The following KLHL2 variants were observed in gnomAD, a reference collection of about 807,000 sequenced individuals.
The protein encoded by KLHL2 is kelch like family member 2, also known as kelch-like protein 2.
KLHL2 carries 15 observed loss-of-function variants against 75.8 expected under a neutral mutation model. The ratio of observed to expected loss-of-function variants is 0.20; its 90% CI spans 0.13 to 0.30. KLHL2 has a LOEUF of 0.30. KLHL2 is among the 10% of genes least tolerant of loss of function. KLHL2 has a pLI of 1.00. For synonymous variants in KLHL2, 214 were observed against 251.9 expected (o/e 0.85, Z 1.42); for missense variants, 381 against 741.0 (o/e 0.51, Z 5.64).
chr4:165,316,697 TTTGTTCA>T (rs1746611540), intron 13 of KLHL2, among the ~76,000 whole-genome samples: 1 of 152,224 alleles, frequency 6.6e-6, no homozygotes, highest in Non-Finnish European at 1.5e-5. Context: ...TCAGGGGATC[TTTGTTCA>T]TTGCAACATC....
intron 14 of KLHL2, among the ~76,000 whole-genome samples, 179 bp downstream of exon 14, chr4:165,318,148 T>C (rs879554018): frequency 3.3e-5 from 5 of 152,250 alleles, no homozygotes; most frequent in Admixed American, 3.3e-4. Flanking sequence ...CAGTATACTT[T>C]TGTCATTCTA....
intron 4 of KLHL2, among the ~76,000 whole-genome samples, chr4:165,248,305 T>A (rs1447703339): frequency 6.6e-6 from 1 of 152,206 alleles, no homozygotes; most frequent in Non-Finnish European, 1.5e-5. Context: ...TAAAAAGTTC[T>A]CTCTCTTGTG....
intron 9 of KLHL2, among the ~76,000 whole-genome samples, chr4:165,307,333 A>G (rs1028514714): frequency 4.5e-4 from 69 of 152,204 alleles, no homozygotes; most frequent in Admixed American, 9.8e-4. Flanking sequence ...AAACAAAAAA[A>G]CAAAAAAACT....
intron 5 of KLHL2, among the ~76,000 whole-genome samples, chr4:165,275,009 C>T (rs770388254): frequency 7.9e-5 from 12 of 152,228 alleles, no homozygotes; most frequent in Non-Finnish European, 1.6e-4. Flanking sequence ...AGTGACAGCT[C>T]AGTGTGACCA....
Position 165,322,494 on chromosome 4 carries a change from C to T in KLHL2, c.*434C>T, listed in dbSNP as rs1415898842. On this transcript the variant is annotated 3_prime_UTR_variant, in exon 15 of 15. Coordinates refer to ENST00000226725, the MANE Select transcript of KLHL2 (RefSeq NM_007246.4). ...ATCTTTGAACAGATATTAAAATCTA[C>T]GTAAGTATACAAACTAGTTGAGGGA... The T allele has an allele frequency of 3.9e-5, 6 of 154,978 alleles. No homozygotes were observed. The highest frequency in any genetic ancestry group is 2.0e-4 in the South Asian group (1 of 5,072). The allele number at this position is 154,978 out of a possible 1,614,324, so 9.6% of individuals were successfully genotyped here.
In KLHL2 at chr4:165,233,412, G is replaced by A. The variant is rs1240095525; in HGVS notation, c.259+4499G>A. ...CCACAGGCTAACATTTCTGAAATCT[G>A]GTGGGAAGTACTGAATACTAAATTT... On this transcript the variant is annotated intron_variant, in intron 3 of 14. Coordinates refer to ENST00000226725, the MANE Select transcript of KLHL2 (RefSeq NM_007246.4). Among the ~76,000 whole-genome samples, 6 of 150,876 alleles carry A rather than the reference G, an allele frequency of 4.0e-5. No individual in the cohort carries two copies. In the Admixed American group the frequency reaches 4.0e-4, roughly 10 times the overall value.
At chr4:165,223,996 C>T (rs1344254737) in intron 2 of KLHL2, 3 of 442,376 alleles carry the variant, frequency 6.8e-6, no homozygotes, top group Non-Finnish European at 1.4e-5. Flanking sequence ...CTCACTGCAA[C>T]CTCCGACTCC....
In KLHL2 at chr4:165,299,581, T is replaced by C; in HGVS notation, c.846T>C (p.His282=). 6.2e-7 allele frequency: 1 copy of C among 1,613,922 alleles called. No homozygotes were observed. ...KDYLIEAMKY[H]LLPTEQRILM... ...ACCTCATTGAAGCAATGAAGTACCA[T>C]TTGCTGCCAACAGAGCAGCGTATAT... The change falls in exon 8 of 15, where the codon CAT becomes CAC. Residue 282 remains histidine (H), a synonymous_variant. Transcript: ENST00000226725.
chr4:165,320,301 AG>A (rs1258040777), intron 14 of KLHL2, among the ~76,000 whole-genome samples: 2 of 152,204 alleles, frequency 1.3e-5, no homozygotes, highest in Non-Finnish European at 2.9e-5. Context: ...CAATCCTTGA[AG>A]GGAAAATATA....
chr4:165,293,678 T>G (rs1250049798), intron 5 of KLHL2, among the ~76,000 whole-genome samples: 1 of 150,314 alleles, frequency 6.7e-6, no homozygotes, highest in Non-Finnish European at 1.5e-5. Context: ...TAATTTTTTT[T>G]TTTTTTTTTT....
At chr4:165,221,139 G>T (rs763130331) in intron 2 of KLHL2, among the ~76,000 whole-genome samples, 29 of 152,132 alleles carry the variant, frequency 1.9e-4, no homozygotes, top group African/African-American at 6.3e-4. Flanking sequence ...ATATTTATCT[G>T]CTAGGTACTG....
chr4:165,293,306 C>A (rs552528670), intron 5 of KLHL2, among the ~76,000 whole-genome samples: 2 of 152,036 alleles, frequency 1.3e-5, no homozygotes, highest in Admixed American at 6.6e-5. Flanking sequence ...GGCCAAGAAG[C>A]GATCTTTTTT....
At chr4:165,249,105 C>T (rs1740484746) in intron 4 of KLHL2, among the ~76,000 whole-genome samples, 2 of 152,174 alleles carry the variant, frequency 1.3e-5, no homozygotes, top group South Asian at 4.1e-4. Context: ...GGTGCAATTC[C>T]TGGAACAGGG....
intron 4 of KLHL2, 106 bp downstream of exon 4, chr4:165,239,005 A>T: frequency 6.8e-7 from 1 of 1,467,780 alleles, no homozygotes. Flanking sequence ...AATAGGATTC[A>T]TTGTGAAAAT....
intron 3 of KLHL2, among the ~76,000 whole-genome samples, chr4:165,236,345 A>T (rs1211357953): frequency 5.9e-5 from 9 of 152,212 alleles, no homozygotes; most frequent in African/African-American, 2.2e-4. Flanking sequence ...AATGGTAAGG[A>T]TAAACTATGT....
chr4:165,320,812 C>A (rs1746918565), intron 14 of KLHL2, among the ~76,000 whole-genome samples: 1 of 152,174 alleles, frequency 6.6e-6, no homozygotes, highest in Admixed American at 6.5e-5. Flanking sequence ...TGAAAGAGAT[C>A]ATGGATGTGG....
At position 165,322,196 on chromosome 4, in the gene KLHL2, T is replaced by TTATA; in HGVS notation, c.*137_*140dup. On this transcript the variant is annotated 3_prime_UTR_variant, in exon 15 of 15. Transcript: ENST00000226725. ...CAGCAGAAGATACGATCGTCTGCCT[T>TTATA]TATAGGCCTCAGATACTGAAGATTA... is the stretch of plus-strand genomic sequence containing the variant. 1 of 814,942 alleles carries TTATA rather than the reference T, an allele frequency of 1.2e-6. No individual in the cohort carries two copies. Among genetic ancestry groups the TTATA allele is most frequent in the Admixed American group, 2.0e-5 (1 of 49,008 alleles). The allele number at this position is 814,942 out of a possible 1,614,324, so 50.5% of individuals were successfully genotyped here.
At chr4:165,239,993 AT>A (rs5863744) in intron 4 of KLHL2, among the ~76,000 whole-genome samples, 13,059 of 152,230 alleles carry the variant, frequency 0.086, 621 homozygotes, top group Middle Eastern at 0.13. Flanking sequence ...AGCTATATAT[AT>A]ATATGTATGA....
intron 5 of KLHL2, among the ~76,000 whole-genome samples, chr4:165,286,984 T>C (rs1237948149): frequency 1.3e-5 from 2 of 152,218 alleles, no homozygotes; most frequent in Admixed American, 6.5e-5. Context: ...TTATAAACTT[T>C]TAAAAATATT....
Sources: gnomAD v4.1 joint callset for allele counts (sites outside exome capture counted in the v4.1 genomes callset) on GRCh38, gnomAD v4.1.1 for gene constraint, MANE v1.5 for transcripts, NCBI Gene and HGNC (gene_info 2026-07-23, HGNC 2026-07-21) for gene names.